Variants in TP63 observed in about 807,000 individuals in gnomAD.
TP63 encodes the protein tumor protein p63.
TP63 carries 17 observed loss-of-function variants against 82.8 expected under a neutral mutation model. That is an observed-to-expected ratio of 0.21 (90% confidence interval 0.14 to 0.31). TP63 has a LOEUF of 0.31. TP63 is among the 10% of genes least tolerant of loss of function. The pLI is 1.00. For synonymous variants in TP63, 330 were observed against 321.7 expected (o/e 1.03, Z -0.28); for missense variants, 648 against 895.3 (o/e 0.72, Z 3.52).
chr3:189,849,404 G>C (rs1715343317), intron 4 of TP63, among the ~76,000 whole-genome samples: 1 of 152,126 alleles, frequency 6.6e-6, no homozygotes, highest in African/African-American at 2.4e-5. Context: ...CGATATGACA[G>C]ATCTCCGGGT....
At chr3:189,693,607 T>C (rs763209607) in intron 1 of TP63, among the ~76,000 whole-genome samples, 2 of 152,216 alleles carry the variant, frequency 1.3e-5, no homozygotes, top group Non-Finnish European at 2.9e-5. Context: ...ACGATTATTC[T>C]GAATTTGTGC....
intron 1 of TP63, among the ~76,000 whole-genome samples, chr3:189,654,573 A>T (rs940142232): frequency 2.6e-5 from 4 of 152,134 alleles, no homozygotes; most frequent in Non-Finnish European, 5.9e-5. Flanking sequence ...TGTGGTAGAG[A>T]TGTATTACCA....
intron 1 of TP63, among the ~76,000 whole-genome samples, chr3:189,723,071 T>A (rs933071294): frequency 2.0e-5 from 3 of 152,216 alleles, no homozygotes; most frequent in Non-Finnish European, 2.9e-5. Context: ...ATTTTCCAGA[T>A]GTACTCCCAA....
intron 3 of TP63, among the ~76,000 whole-genome samples, chr3:189,777,683 T>C (rs998650437): frequency 1.3e-5 from 2 of 151,864 alleles, no homozygotes; most frequent in Non-Finnish European, 2.9e-5. Flanking sequence ...GAACTATGTC[T>C]GTAACTTTAC....
intron 11 of TP63, among the ~76,000 whole-genome samples, chr3:189,887,861 T>TG (rs35878926): frequency 0.27 from 40,086 of 149,726 alleles, 5,564 homozygotes; most frequent in Non-Finnish European, 0.3. Context: ...TTTTGGTTTT[T>TG]TTTTTTTTTT....
chr3:189,815,729 A>C (rs1728114407), intron 4 of TP63, among the ~76,000 whole-genome samples: 1 of 152,094 alleles, frequency 6.6e-6, no homozygotes, highest in South Asian at 2.1e-4. Context: ...TGTTTAAATA[A>C]ATTAATTGGA....
Position 189,868,823 on chromosome 3 carries a change from G to C in TP63, c.1129+107G>C, listed in dbSNP as rs933940864. ...ATGATAAGACCTGTGACCTTCAGCA[G>C]CAAGTGGGACGTCAGCCCTCAGAGC... On this transcript the variant is annotated intron_variant, in intron 8 of 13. Transcript: ENST00000264731. 1.6e-5 allele frequency: 26 copies of C among 1,580,016 alleles called. No homozygotes were observed. The African/African-American group carries it at 3.4e-4, about 20-fold the overall frequency.
chr3:189,866,503 T>C (rs1717745728), intron 5 of TP63, among the ~76,000 whole-genome samples, 179 bp from the exon 6 acceptor site: 1 of 152,236 alleles, frequency 6.6e-6, no homozygotes, highest in African/African-American at 2.4e-5. Context: ...ATAAAGGTTA[T>C]GACACCTTCA....
chr3:189,619,068 A>G, the TP63 span, among the ~76,000 whole-genome samples: 1 of 152,120 alleles, frequency 6.6e-6, no homozygotes, highest in Non-Finnish European at 1.5e-5. Flanking sequence ...ACCTGCAAAA[A>G]TCAATTTCTA....
intron 4 of TP63, among the ~76,000 whole-genome samples, chr3:189,852,500 A>T (rs1014671547): frequency 5.9e-5 from 9 of 152,168 alleles, no homozygotes; most frequent in Non-Finnish European, 1.0e-4. Context: ...TGGTACTTCC[A>T]TGTATGTATT....
chr3:189,683,715 G>A (rs1286875560), intron 1 of TP63, among the ~76,000 whole-genome samples: 4 of 152,104 alleles, frequency 2.6e-5, no homozygotes, highest in East Asian at 1.9e-4. Flanking sequence ...CTCTTTTGTC[G>A]GAAACTCGGT....
At chr3:189,736,460 A>C (rs900559971) in intron 1 of TP63, among the ~76,000 whole-genome samples, 1 of 152,052 alleles carries the variant, frequency 6.6e-6, no homozygotes, top group Non-Finnish European at 1.5e-5. Flanking sequence ...AATTTTCATC[A>C]GCAAAGGCTC....
At chr3:189,730,434 G>A (rs1185914216) in intron 1 of TP63, among the ~76,000 whole-genome samples, 1 of 152,122 alleles carries the variant, frequency 6.6e-6, no homozygotes, top group Non-Finnish European at 1.5e-5. Context: ...ATAGAAAAAA[G>A]AAATATTCCT....
chr3:189,665,384 A>G (rs1714295500), intron 1 of TP63, among the ~76,000 whole-genome samples: 1 of 152,112 alleles, frequency 6.6e-6, no homozygotes, highest in South Asian at 2.1e-4. Flanking sequence ...CTACTTCAAC[A>G]TTATAATCTC....
intron 3 of TP63, 26 bp downstream of exon 3, chr3:189,738,800 G>T (rs1345802999): frequency 1.2e-6 from 2 of 1,613,318 alleles, no homozygotes; most frequent in Non-Finnish European, 1.7e-6. Flanking sequence ...TTTCTCTTCA[G>T]TCTTTGGGCC....
At chr3:189,600,591 A>G in the TP63 span, among the ~76,000 whole-genome samples, 1 of 152,278 alleles carries the variant, frequency 6.6e-6, no homozygotes, top group South Asian at 2.1e-4. Context: ...TTCCAAATTC[A>G]TTCTCTTTGT....
chr3:189,669,135 G>T (rs1163374244), intron 1 of TP63, among the ~76,000 whole-genome samples: 1 of 151,862 alleles, frequency 6.6e-6, no homozygotes, highest in Non-Finnish European at 1.5e-5. Flanking sequence ...AAAAGATAAT[G>T]GAATAGCGTC....
chr3:189,853,325 G>A (rs764800175), intron 4 of TP63, among the ~76,000 whole-genome samples: 45 of 152,108 alleles, frequency 3.0e-4, no homozygotes, highest in South Asian at 2.1e-4. Flanking sequence ...CTCAAGACCC[G>A]TCCTGCTCTA....
intron 1 of TP63, among the ~76,000 whole-genome samples, chr3:189,642,596 T>C (rs1414272964): frequency 1.3e-5 from 2 of 152,174 alleles, no homozygotes; most frequent in Non-Finnish European, 2.9e-5. Context: ...ACCTACCTGA[T>C]TGGATTGCCT....
Sources: gnomAD v4.1 joint callset for allele counts (sites outside exome capture counted in the v4.1 genomes callset) on GRCh38, gnomAD v4.1.1 for gene constraint, MANE v1.5 for transcripts, NCBI Gene and HGNC (gene_info 2026-07-23, HGNC 2026-07-21) for gene names.